PLXNC1: variants seen among roughly 807,000 people sequenced by gnomAD.
The protein encoded by PLXNC1 is plexin-C1.
PLXNC1 carries 75 observed loss-of-function variants against 178.2 expected under a neutral mutation model. The observed-to-expected ratio is 0.42, with a 90% CI of 0.35 to 0.51. The LOEUF (loss-of-function observed/expected upper bound fraction) is 0.51. Ranked by LOEUF, PLXNC1 falls within the 20% of genes least tolerant of loss-of-function variation. PLXNC1 has a pLI of 0.02. For synonymous variants in PLXNC1, 790 were observed against 779.9 expected, an observed-to-expected ratio of 1.01 and a Z score of -0.22; for missense variants, 1,503 against 1,984.4, an observed-to-expected ratio of 0.76 and a Z score of 4.61.
In PLXNC1 at chr12:94,209,718, T is replaced by G. The variant is rs915819140; in HGVS notation, c.1554+14T>G. ...AGTAAAGAAAAGGTAAGAGGAAAGA[T>G]TTTAATTTGTCCTCGTTGTATTGTC... On this transcript the variant is annotated intron_variant, in intron 5 of 30. Transcript: ENST00000258526. 1.3e-5 allele frequency: 19 copies of G among 1,461,920 alleles called. No individual in the cohort carries two copies. Among genetic ancestry groups the G allele is most frequent in the Non-Finnish European group, 1.8e-5 (19 of 1,042,380 alleles). The allele number at this position is 1,461,920 out of a possible 1,614,324, so 90.6% of individuals were successfully genotyped here. A position where few individuals can be genotyped will look rare whatever the true frequency, so the allele number is the denominator to read the frequency against.
chr12:94,223,686 T>C (rs1307738915), intron 6 of PLXNC1, among the ~76,000 whole-genome samples: 1 of 152,184 alleles, frequency 6.6e-6, no homozygotes, highest in Non-Finnish European at 1.5e-5. Flanking sequence ...AATGAGTAGG[T>C]TTTCAAAGGC....
At chr12:94,199,851 C>T (rs1005731026) in intron 4 of PLXNC1, among the ~76,000 whole-genome samples, 1 of 152,162 alleles carries the variant, frequency 6.6e-6, no homozygotes, top group Non-Finnish European at 1.5e-5. Flanking sequence ...AGTGCAATGG[C>T]ACAATCTCGG....
chr12:94,253,039 T>C (rs11107481), intron 15 of PLXNC1, among the ~76,000 whole-genome samples: 87,767 of 151,478 alleles, frequency 0.58, 25,752 homozygotes, highest in East Asian at 0.76. Flanking sequence ...GGTGAAACCC[T>C]GTCTCTACTA....
At chr12:94,167,018 G>GT (rs1164397701) in intron 1 of PLXNC1, among the ~76,000 whole-genome samples, 1 of 151,952 alleles carries the variant, frequency 6.6e-6, no homozygotes, top group East Asian at 1.9e-4. Context: ...TCTCGCCTCA[G>GT]TTACCTATAC....
chr12:94,200,249 T>C (rs1963072650), intron 4 of PLXNC1, among the ~76,000 whole-genome samples: 1 of 150,904 alleles, frequency 6.6e-6, no homozygotes, highest in Non-Finnish European at 1.5e-5. Context: ...ATGGAATAGA[T>C]TTTTTTGAAA....
At chr12:94,279,285 T>C (rs1192913337) in intron 21 of PLXNC1, among the ~76,000 whole-genome samples, 187 bp from the exon 22 acceptor site, 2 of 152,234 alleles carry the variant, frequency 1.3e-5, no homozygotes, top group Admixed American at 6.5e-5. Flanking sequence ...ACTTTCTGTT[T>C]TCCCTTCCAT....
intron 2 of PLXNC1, among the ~76,000 whole-genome samples, chr12:94,180,250 C>T (rs1962258757): frequency 1.3e-5 from 2 of 152,110 alleles, no homozygotes; most frequent in Non-Finnish European, 1.5e-5. Flanking sequence ...CTGAAGCCAC[C>T]CTGGCCTCCT....
chr12:94,239,713 A>G (rs1404654365), intron 10 of PLXNC1, among the ~76,000 whole-genome samples: 3 of 152,220 alleles, frequency 2.0e-5, no homozygotes, highest in African/African-American at 7.2e-5. Flanking sequence ...AAGGGCGCCA[A>G]GCATCAGCTG....
chr12:94,284,375 A>T (rs1026119886), intron 23 of PLXNC1, among the ~76,000 whole-genome samples: 1 of 152,168 alleles, frequency 6.6e-6, no homozygotes, highest in Admixed American at 6.5e-5. Flanking sequence ...TCCAGAAATG[A>T]GCAAGAGCAG....
intron 9 of PLXNC1, among the ~76,000 whole-genome samples, chr12:94,231,344 A>G (rs930180153): frequency 3.3e-5 from 5 of 152,190 alleles, no homozygotes; most frequent in African/African-American, 1.2e-4. Context: ...GGAAACCCTA[A>G]GTAGGCACAG....
In PLXNC1 at chr12:94,163,387, G is replaced by A. The variant is rs76418602; in HGVS notation, c.1063-5766G>A. Among the ~76,000 whole-genome samples, 158 of 152,106 alleles carry A rather than the reference G, an allele frequency of 1.0e-3. No homozygotes were observed. The East Asian group carries it at 0.017, about 16-fold the overall frequency. On this transcript the variant is annotated intron_variant, in intron 1 of 30. Coordinates refer to ENST00000258526, the MANE Select transcript of PLXNC1 (RefSeq NM_005761.3). ...TAATAATAATAAAAAAAAGAATCTA[G>A]GAAAATGCAGTTTCACGCTATCTGC...
At chr12:94,235,895 C>T (rs1964228554) in intron 9 of PLXNC1, among the ~76,000 whole-genome samples, 1 of 152,204 alleles carries the variant, frequency 6.6e-6, no homozygotes, top group Non-Finnish European at 1.5e-5. Context: ...ACACATAGAT[C>T]ATGTGTCCCC....
intron 4 of PLXNC1, among the ~76,000 whole-genome samples, chr12:94,207,276 A>G (rs1410284239): frequency 1.3e-5 from 2 of 152,214 alleles, no homozygotes; most frequent in South Asian, 2.1e-4. Context: ...GTTGCTTAAC[A>G]TGGTTAGATT....
At chr12:94,274,692 T>C (rs1965809585) in intron 21 of PLXNC1, among the ~76,000 whole-genome samples, 1 of 152,234 alleles carries the variant, frequency 6.6e-6, no homozygotes. Flanking sequence ...ATTTGGACCA[T>C]GCTTACTTTA....
chr12:94,189,182 G>T (rs891207516), intron 4 of PLXNC1, among the ~76,000 whole-genome samples: 2 of 152,200 alleles, frequency 1.3e-5, no homozygotes, highest in African/African-American at 2.4e-5. Context: ...TAGCCAGTTT[G>T]GGGGCTTTGC....
At chr12:94,278,735 C>T (rs916764298) in intron 21 of PLXNC1, among the ~76,000 whole-genome samples, 2 of 152,116 alleles carry the variant, frequency 1.3e-5, no homozygotes, top group Non-Finnish European at 2.9e-5. Context: ...CAGTGGCTCA[C>T]GCCTGTAATC....
chr12:94,265,816 G>A (rs1027372872), intron 21 of PLXNC1, among the ~76,000 whole-genome samples: 5 of 151,786 alleles, frequency 3.3e-5, no homozygotes, highest in Admixed American at 6.5e-5. Context: ...GGTTTCACCC[G>A]CTTGAGAACT....
rs1359254866 is a variant in PLXNC1 at position 94,149,180 on chromosome 12, A to G, written c.209A>G (p.Tyr70Cys). 1.9e-6 allele frequency: 3 copies of G among 1,590,188 alleles called. No homozygotes were observed. Among genetic ancestry groups the G allele is most frequent in the Non-Finnish European group, 2.6e-6 (3 of 1,172,348 alleles). The change falls in exon 1 of 31, where the codon TAC (tyrosine) becomes TGC (cysteine). Residue 70 changes from tyrosine to cysteine, a missense_variant. Physicochemically the swap from Tyr to Cys is radical, Grantham distance 194. Around this residue, in one of 4 missense-constraint regions of PLXNC1, gnomAD observed 176 missense variants for 180.7 expected, o/e 0.97. Transcript: ENST00000258526. ...ASGSCLDQLD[Y>C]SLEHSLSRLY... ...GGCAGCTGCCTGGACCAGCTGGACTACAGCCTGGAGCACAGCCTCTCGCGC... is the reference window on the plus strand; with the variant it reads ...GGCAGCTGCCTGGACCAGCTGGACTGCAGCCTGGAGCACAGCCTCTCGCGC...
intron 11 of PLXNC1, among the ~76,000 whole-genome samples, chr12:94,241,911 C>T (rs1214098062): frequency 1.3e-5 from 2 of 150,876 alleles, no homozygotes; most frequent in African/African-American, 2.4e-5. Flanking sequence ...ATTTTCTTTG[C>T]CTGACACAGT....
Sources: allele counts gnomAD v4.1 joint callset (sites outside exome capture counted in the v4.1 genomes callset), GRCh38; gene constraint gnomAD v4.1.1; regional missense constraint gnomAD v4.1.1; transcripts MANE v1.5; gene names NCBI Gene and HGNC (gene_info 2026-07-23, HGNC 2026-07-21).